The following MCTP1 variants were observed in gnomAD, a reference collection of about 807,000 sequenced individuals.
MCTP1 encodes multiple C2 and transmembrane domain containing 1.
Under a neutral mutation model 120.6 loss-of-function variants are expected in MCTP1, and 69 were observed. That is an observed-to-expected ratio of 0.57 (90% CI 0.47 to 0.70). The LOEUF (loss-of-function observed/expected upper bound fraction) is 0.70. MCTP1 is among the 30% of genes least tolerant of loss of function. The probability of loss-of-function intolerance (pLI) is 0.00; values close to 1 mark genes in which losing one functional copy is unlikely to be tolerated. For missense variants in MCTP1, 1,203 were observed against 1,248.8 expected (o/e 0.96, Z 0.55); for synonymous variants, 529 against 493.1 (o/e 1.07, Z -0.96).
At position 95,050,199 on chromosome 5, in the gene MCTP1, TA is replaced by T. The variant is rs60365234; in HGVS notation, c.721-32716del. Among the ~76,000 whole-genome samples the T allele has an allele frequency of 1.2e-3, 179 of 148,612 alleles. 2 individuals carry two copies. The highest frequency in any genetic ancestry group is 3.5e-3 in the Middle Eastern group (1 of 286). ...GGTAGGTGCTACAGATTCAGAAAAT[TA>T]AAAAAAAAAATTAAACCACAGAATA... On this transcript the variant is annotated intron_variant, in intron 1 of 22. Transcript: ENST00000515393.
chr5:95,124,430 A>G (rs564377242), intron 1 of MCTP1, among the ~76,000 whole-genome samples: 1 of 152,392 alleles, frequency 6.6e-6, no homozygotes, highest in African/African-American at 2.4e-5. Flanking sequence ...TGGATTAAAC[A>G]TATAAATCTC....
chr5:94,711,342 T>G (rs777933558), intron 20 of MCTP1, among the ~76,000 whole-genome samples: 2 of 152,122 alleles, frequency 1.3e-5, no homozygotes, highest in Non-Finnish European at 2.9e-5. Flanking sequence ...TTCCCCATAT[T>G]GGGAATAAAA....
intron 2 of MCTP1, among the ~76,000 whole-genome samples, chr5:94,958,428 C>A (rs1011365615): frequency 6.6e-5 from 10 of 151,920 alleles, no homozygotes; most frequent in African/African-American, 2.4e-4. Flanking sequence ...CAGAGCAGAA[C>A]TGAAGGAGAT....
intron 17 of MCTP1, among the ~76,000 whole-genome samples, chr5:94,827,441 T>C (rs1450249488): frequency 1.3e-5 from 2 of 152,194 alleles, no homozygotes; most frequent in Non-Finnish European, 1.5e-5. Flanking sequence ...CTGACAATTA[T>C]GTGTCTTGGG....
intron 17 of MCTP1, among the ~76,000 whole-genome samples, chr5:94,849,502 C>T (rs1336589131): frequency 6.6e-6 from 1 of 152,120 alleles, no homozygotes; most frequent in Non-Finnish European, 1.5e-5. Flanking sequence ...TCAAGTGTCT[C>T]CTCTCCTCTG....
chr5:95,208,923 C>A (rs1000451892), intron 1 of MCTP1, among the ~76,000 whole-genome samples: 2 of 152,052 alleles, frequency 1.3e-5, no homozygotes, highest in African/African-American at 4.8e-5. Context: ...CCATTCCTTC[C>A]TTCTTTAATC....
At chr5:94,815,404 A>T (rs1031133110) in intron 17 of MCTP1, among the ~76,000 whole-genome samples, 1 of 152,156 alleles carries the variant, frequency 6.6e-6, no homozygotes, top group Non-Finnish European at 1.5e-5. Flanking sequence ...CTATCTATCA[A>T]TTGCTGCAAT....
chr5:94,753,306 T>C (rs1768937194), intron 19 of MCTP1, among the ~76,000 whole-genome samples: 1 of 152,196 alleles, frequency 6.6e-6, no homozygotes, highest in Non-Finnish European at 1.5e-5. Context: ...TTCTCCTAAG[T>C]TTTTAGTTCT....
At chr5:94,714,222 ATAATTT>A (rs1758238245) in intron 20 of MCTP1, among the ~76,000 whole-genome samples, 1 of 152,180 alleles carries the variant, frequency 6.6e-6, no homozygotes, top group African/African-American at 2.4e-5. Flanking sequence ...TTCTGTTTTT[ATAATTT>A]TAAAAATTGT....
intron 1 of MCTP1, among the ~76,000 whole-genome samples, chr5:95,212,590 T>C (rs1752519487): frequency 6.6e-6 from 1 of 152,046 alleles, no homozygotes; most frequent in South Asian, 2.1e-4. Context: ...ATATCCTTGA[T>C]GAACATTGAT....
chr5:94,845,174 A>G (rs949612392), intron 17 of MCTP1, among the ~76,000 whole-genome samples: 27 of 152,214 alleles, frequency 1.8e-4, no homozygotes, highest in African/African-American at 6.5e-4. Flanking sequence ...ATGAAGATAT[A>G]CCCAAGACTG....
At chr5:95,213,988 G>C (rs1752721757) in intron 1 of MCTP1, among the ~76,000 whole-genome samples, 1 of 152,020 alleles carries the variant, frequency 6.6e-6, no homozygotes, top group Non-Finnish European at 1.5e-5. Context: ...CAAAAGCAAT[G>C]GCAACAAAAG....
intron 1 of MCTP1, among the ~76,000 whole-genome samples, chr5:95,258,718 TA>T (rs957586054): frequency 3.9e-5 from 6 of 152,168 alleles, no homozygotes; most frequent in Admixed American, 2.6e-4. Flanking sequence ...CTGTTCTAAA[TA>T]AAAGTTCATT....
Position 95,284,523 on chromosome 5 carries a change from G to A in MCTP1, c.53C>T (p.Ser18Phe). Reference protein sequence around the residue: ...AGEPEPPAASSSFQARLWKNL... With the variant: ...AGEPEPPAASFSFQARLWKNL... ...CTTCCAGAGCCGGGCCTGGAAGGAGGAGGACGCCGCCGGCGGCTCTGGCTC... is the reference window on the plus strand; with the variant it reads ...CTTCCAGAGCCGGGCCTGGAAGGAGAAGGACGCCGCCGGCGGCTCTGGCTC... Residue 18 changes from serine to phenylalanine, a missense_variant, in exon 1 of 23, where the codon TCC becomes TTC. Around this residue, in one of 2 missense-constraint regions of MCTP1, gnomAD observed 463 missense variants for 377.8 expected, o/e 1.23. Coordinates refer to ENST00000515393, the MANE Select transcript of MCTP1 (RefSeq NM_024717.7). The surrounding 1 kb of genome is among the most constrained non-coding windows in gnomAD (Gnocchi z 5.2). 1 of 1,498,336 alleles carries A rather than the reference G, an allele frequency of 6.7e-7. No individual in the cohort carries two copies. The highest frequency in any genetic ancestry group is 8.8e-7 in the Non-Finnish European group (1 of 1,132,844). The allele number at this position is 1,498,336 out of a possible 1,614,324, so 92.8% of individuals were successfully genotyped here.
chr5:95,156,180 T>C (rs527833909), intron 1 of MCTP1, among the ~76,000 whole-genome samples: 16 of 152,186 alleles, frequency 1.1e-4, no homozygotes, highest in African/African-American at 3.9e-4. Context: ...CCTGGTGAGA[T>C]TCCAAACAAA....
chr5:94,938,546 C>T (rs1816775094), intron 5 of MCTP1, among the ~76,000 whole-genome samples: 1 of 151,914 alleles, frequency 6.6e-6, no homozygotes, highest in Non-Finnish European at 1.5e-5. Flanking sequence ...AATCCTTAAC[C>T]CCTGGCTAGT....
In MCTP1 at chr5:94,779,151, T is replaced by C. The variant is rs757519386; in HGVS notation, c.2569A>G (p.Met857Val). 4 of 1,613,630 alleles carry C rather than the reference T, an allele frequency of 2.5e-6. No homozygotes were observed. In the South Asian group the frequency reaches 3.3e-5, roughly 13 times the overall value. Residue 857 changes from methionine (M) to valine (V), a missense_variant, in exon 19 of 23, where the codon ATG becomes GTG. Coordinates refer to ENST00000515393, the MANE Select transcript of MCTP1 (RefSeq NM_024717.7). ...NRQRDTVVED[M>V]LEDEEEEDDK... is the part of the protein sequence containing the mutation. ...TCTTCTTCTTCCTCGTCCTCTAGCA[T>C]GTCCTCCACTACCTGCAGAGAGAAA...
chr5:95,038,127 G>C (rs946957709), intron 1 of MCTP1: 1 of 984,646 alleles, frequency 1.0e-6, no homozygotes, highest in African/African-American at 1.7e-5. Context: ...CACAGCTGTG[G>C]ATGGAGTAGG....
intron 2 of MCTP1, among the ~76,000 whole-genome samples, chr5:94,971,502 C>G (rs1204709580): frequency 6.6e-6 from 1 of 152,122 alleles, no homozygotes; most frequent in East Asian, 1.9e-4. Flanking sequence ...AATTCCCAAA[C>G]TAATTATTGC....
Sources: allele counts gnomAD v4.1 joint callset (sites outside exome capture counted in the v4.1 genomes callset), GRCh38; gene constraint gnomAD v4.1.1; regional missense constraint gnomAD v4.1.1; non-coding constraint Gnocchi (gnomAD v3.1); transcripts MANE v1.5; gene names NCBI Gene and HGNC (gene_info 2026-07-23, HGNC 2026-07-21).